Variants in TYW1 observed in about 807,000 individuals in gnomAD.
The protein encoded by TYW1 is tRNA-yW synthesizing protein 1 homolog, also known as S-adenosyl-L-methionine-dependent tRNA 4-demethylwyosine synthase TYW1.
TYW1 carries 46 observed loss-of-function variants against 96.2 expected under a neutral mutation model. The ratio of observed to expected loss-of-function variants is 0.48; its 90% CI spans 0.38 to 0.61. The LOEUF (loss-of-function observed/expected upper bound fraction) is 0.61. Ranked by LOEUF, TYW1 falls within the 20% of genes least tolerant of loss-of-function variation. TYW1 has a pLI of 0.00. For missense variants in TYW1, 684 were observed against 909.6 expected, an observed-to-expected ratio of 0.75 and a Z score of 3.19; for synonymous variants, 274 against 323.0, an observed-to-expected ratio of 0.85 and a Z score of 1.63.
At chr7:67,084,356 A>G (rs921095070) in intron 11 of TYW1, among the ~76,000 whole-genome samples, 4 of 152,146 alleles carry the variant, frequency 2.6e-5, no homozygotes, top group Non-Finnish European at 5.9e-5. Context: ...GAATTTCCTG[A>G]TTTAATTCTG....
rs1193897828 is a variant in TYW1, at chr7:67,153,192, A to G, written c.1699-29934A>G. ...TGTTTATGGGTGGGTGTGGTGGCTC[A>G]TGCCTGTAATCCCGGCACTTTGGGA... On this transcript the variant is annotated intron_variant, in intron 13 of 15. Coordinates refer to ENST00000359626, the MANE Select transcript of TYW1 (RefSeq NM_018264.4). Among the ~76,000 whole-genome samples the G allele has an allele frequency of 2.0e-5, 3 of 152,140 alleles. No homozygotes were observed. In the East Asian group the frequency reaches 5.8e-4, roughly 29 times the overall value.
chr7:67,024,752 G>C, intron 6 of TYW1, 148 bp from the exon 7 acceptor site: 2 of 1,311,128 alleles, frequency 1.5e-6, no homozygotes, highest in Non-Finnish European at 2.0e-6. Flanking sequence ...CTGTGCTCCA[G>C]CCTGGGCGAC....
intron 13 of TYW1, among the ~76,000 whole-genome samples, chr7:67,157,107 A>T (rs1799003302): frequency 6.6e-6 from 1 of 151,966 alleles, no homozygotes; most frequent in Admixed American, 6.6e-5. Context: ...GGTGAGTACC[A>T]AGCGCCTCTA....
intron 13 of TYW1, among the ~76,000 whole-genome samples, chr7:67,167,113 A>G (rs1799360139): frequency 6.6e-6 from 1 of 152,194 alleles, no homozygotes; most frequent in Non-Finnish European, 1.5e-5. Flanking sequence ...GATAAGAAGT[A>G]GCCAACTTCA....
At chr7:67,109,746 G>C (rs979979082) in intron 12 of TYW1, among the ~76,000 whole-genome samples, 7 of 152,172 alleles carry the variant, frequency 4.6e-5, no homozygotes, top group African/African-American at 1.4e-4. Flanking sequence ...CGGGTGTGGT[G>C]GCGGGCACCT....
In TYW1 at chr7:67,014,524, G is replaced by A; in HGVS notation, c.533G>A (p.Gly178Asp). 6.2e-7 allele frequency: 1 copy of A among 1,613,468 alleles called. No individual in the cohort carries two copies. Among genetic ancestry groups the A allele is most frequent in the East Asian group, 2.2e-5 (1 of 44,872 alleles). ...YLKGMRYAVF[G>D]LGNSAYASHF... The stretch of plus-strand genomic sequence containing the variant: ...AAGGGTATGAGATATGCGGTATTTG[G>A]CCTGGGAAATTCTGCCTATGCTAGC... Residue 178 changes from glycine to aspartate, a missense_variant, in exon 5 of 16, where the codon GGC becomes GAC. By Grantham distance (94) the Gly-to-Asp change is moderately conservative. Coordinates refer to ENST00000359626, the MANE Select transcript of TYW1 (RefSeq NM_018264.4).
At chr7:67,178,658 G>T (rs1336178360) in intron 13 of TYW1, among the ~76,000 whole-genome samples, 1 of 152,094 alleles carries the variant, frequency 6.6e-6, no homozygotes, top group Admixed American at 6.6e-5. Context: ...TAAACACAGT[G>T]TTGAGTGATA....
At chr7:67,042,084 T>C (rs1008637035) in intron 7 of TYW1, among the ~76,000 whole-genome samples, 1 of 146,798 alleles carries the variant, frequency 6.8e-6, no homozygotes, top group African/African-American at 2.5e-5. Flanking sequence ...ATTAGAATTA[T>C]ATAACAATTA....
Position 67,195,151 on chromosome 7 carries a change from G to A in TYW1, c.1810-19G>A, listed in dbSNP as rs2116342514. The A allele has an allele frequency of 6.2e-7, 1 of 1,612,170 alleles. No homozygotes were observed. Among genetic ancestry groups the A allele is most frequent in the East Asian group, 2.2e-5 (1 of 44,858 alleles). Reference sequence around the variant, plus strand: ...AGGTAGGTCTGTAGTCATCTCTGATGGTTATACTGTTTCCACAGGGCGTTA... The same window carrying A: ...AGGTAGGTCTGTAGTCATCTCTGATAGTTATACTGTTTCCACAGGGCGTTA... On this transcript the variant is annotated intron_variant, in intron 14 of 15. Transcript: ENST00000359626.
At chr7:67,102,068 A>G (rs894574346) in intron 12 of TYW1, among the ~76,000 whole-genome samples, 1 of 152,170 alleles carries the variant, frequency 6.6e-6, no homozygotes, top group Non-Finnish European at 1.5e-5. Context: ...TGTTTGGGGT[A>G]TATGCATAAA....
At chr7:67,020,994 C>G (rs968716412) in intron 6 of TYW1, among the ~76,000 whole-genome samples, 23 of 152,272 alleles carry the variant, frequency 1.5e-4, no homozygotes, top group Non-Finnish European at 3.4e-4. Flanking sequence ...CGTCACTGCA[C>G]TCCAGCCTGG....
intron 3 of TYW1, among the ~76,000 whole-genome samples, chr7:67,008,793 G>C (rs7796639): frequency 0.051 from 7,701 of 152,172 alleles, 342 homozygotes; most frequent in East Asian, 0.16. Context: ...CTCCCGGGTA[G>C]CTGGGATTAT....
chr7:67,086,989 C>G (rs1422530169), intron 11 of TYW1, among the ~76,000 whole-genome samples: 1 of 152,016 alleles, frequency 6.6e-6, no homozygotes, highest in African/African-American at 2.4e-5. Context: ...CCTGGAGTCT[C>G]CCTGAATGAA....
intron 13 of TYW1, among the ~76,000 whole-genome samples, chr7:67,134,780 T>C (rs78625406): frequency 9.5e-5 from 6 of 63,390 alleles, no homozygotes; most frequent in Non-Finnish European, 1.9e-4. Flanking sequence ...TGCCCATGTG[T>C]TTTTTTTTTT....
intron 12 of TYW1, among the ~76,000 whole-genome samples, chr7:67,108,766 A>G (rs1797313105): frequency 6.6e-6 from 1 of 152,112 alleles, no homozygotes; most frequent in African/African-American, 2.4e-5. Flanking sequence ...TTTCAAGAGC[A>G]CAGAACTTGT....
chr7:67,022,595 G>A (rs1794312799), intron 6 of TYW1, among the ~76,000 whole-genome samples: 1 of 152,172 alleles, frequency 6.6e-6, no homozygotes, highest in African/African-American at 2.4e-5. Flanking sequence ...AAACTGGTTG[G>A]GAGACACTGG....
intron 13 of TYW1, among the ~76,000 whole-genome samples, chr7:67,177,139 CTATCA>C (rs763597273): frequency 2.6e-5 from 4 of 152,300 alleles, no homozygotes; most frequent in Non-Finnish European, 4.4e-5. Flanking sequence ...GACAATGATT[CTATCA>C]TATTTATTAC....
At chr7:67,094,235 A>C (rs1796815466) in intron 11 of TYW1, among the ~76,000 whole-genome samples, 1 of 152,132 alleles carries the variant, frequency 6.6e-6, no homozygotes, top group African/African-American at 2.4e-5. Flanking sequence ...TTCTTTATCC[A>C]GTCAACCGTT....
intron 15 of TYW1, among the ~76,000 whole-genome samples, chr7:67,210,919 A>T (rs866587521): frequency 0.26 from 32,426 of 125,090 alleles, 3,981 homozygotes; most frequent in Middle Eastern, 0.38. Context: ...CATCTATCCA[A>T]CCATCCATCC....
Sources: allele counts gnomAD v4.1 joint callset (sites outside exome capture counted in the v4.1 genomes callset), GRCh38; gene constraint gnomAD v4.1.1; transcripts MANE v1.5; gene names NCBI Gene and HGNC (gene_info 2026-07-23, HGNC 2026-07-21).